Variants in RAPGEF6 observed in about 807,000 individuals in gnomAD.
RAPGEF6 encodes the protein PDZ domain containing guanine nucleotide exchange factor (GEF) 2.
Under a neutral mutation model 171.4 loss-of-function variants are expected in RAPGEF6, and 56 were observed. The ratio of observed to expected loss-of-function variants is 0.33; its 90% CI spans 0.26 to 0.41. The LOEUF (loss-of-function observed/expected upper bound fraction) is 0.41. RAPGEF6 is among the 10% of genes least tolerant of loss of function. The pLI is 1.00. For synonymous variants in RAPGEF6, 692 were observed against 650.1 expected (o/e 1.06, Z -0.98); for missense variants, 1,674 against 1,921.4 (o/e 0.87, Z 2.41).
At chr5:131,533,044 G>A (rs919811828) in intron 6 of RAPGEF6, 1 of 152,518 alleles carries the variant, frequency 6.6e-6, no homozygotes, top group Non-Finnish European at 1.5e-5. Flanking sequence ...AAGAAGGAAA[G>A]AGAGTGGGAG....
At chr5:131,633,235 G>A (rs1250305556) in intron 1 of RAPGEF6, among the ~76,000 whole-genome samples, 1 of 152,104 alleles carries the variant, frequency 6.6e-6, no homozygotes, top group Non-Finnish European at 1.5e-5. Flanking sequence ...GGGAGGGTGA[G>A]GCAGAACTAC....
intron 7 of RAPGEF6, among the ~76,000 whole-genome samples, chr5:131,518,337 G>A (rs1049441962): frequency 2.7e-5 from 4 of 150,430 alleles, no homozygotes; most frequent in African/African-American, 9.7e-5. Context: ...TTATTTTGGC[G>A]TTTATGCTGT....
At chr5:131,508,478 A>G (rs1757508657) in intron 8 of RAPGEF6, among the ~76,000 whole-genome samples, 1 of 152,258 alleles carries the variant, frequency 6.6e-6, no homozygotes, top group Admixed American at 6.5e-5. Flanking sequence ...GGTTCAGATG[A>G]AAGCGGAGCG....
At chr5:131,486,622 T>C (rs1289497177) in intron 15 of RAPGEF6, among the ~76,000 whole-genome samples, 1 of 152,164 alleles carries the variant, frequency 6.6e-6, no homozygotes, top group African/African-American at 2.4e-5. Flanking sequence ...CTCAACTTTA[T>C]TATCTATTCT....
chr5:131,478,264 T>A (rs1299887289), intron 16 of RAPGEF6, among the ~76,000 whole-genome samples: 1 of 152,166 alleles, frequency 6.6e-6, no homozygotes, highest in African/African-American at 2.4e-5. Context: ...AAAAAATATT[T>A]AAAAATAGCT....
At chr5:131,531,649 A>G (rs567792524) in intron 6 of RAPGEF6, among the ~76,000 whole-genome samples, 1 of 152,306 alleles carries the variant, frequency 6.6e-6, no homozygotes, top group Admixed American at 6.5e-5. Flanking sequence ...TTATCAACTA[A>G]TCTTTGTAAA....
At chr5:131,543,679 C>T (rs1760309014) in intron 6 of RAPGEF6, among the ~76,000 whole-genome samples, 1 of 152,122 alleles carries the variant, frequency 6.6e-6, no homozygotes, top group Non-Finnish European at 1.5e-5. Flanking sequence ...GATGAACTGT[C>T]CTCATCATTC....
At chr5:131,621,192 C>A (rs1006700371) in intron 1 of RAPGEF6, among the ~76,000 whole-genome samples, 1 of 152,190 alleles carries the variant, frequency 6.6e-6, no homozygotes, top group Admixed American at 6.5e-5. Flanking sequence ...ATTCCAAGAG[C>A]CTTTGTGGAT....
intron 1 of RAPGEF6, among the ~76,000 whole-genome samples, chr5:131,627,173 C>T (rs918253871): frequency 6.6e-6 from 1 of 152,152 alleles, no homozygotes; most frequent in African/African-American, 2.4e-5. Context: ...CAGCTGCCAA[C>T]AGATTATGAA....
chr5:131,466,296 A>T (rs1216212750), intron 17 of RAPGEF6, among the ~76,000 whole-genome samples: 1 of 152,172 alleles, frequency 6.6e-6, no homozygotes, highest in South Asian at 2.1e-4. Context: ...CAATGTATTA[A>T]GAAATCTGAG....
At chr5:131,620,242 C>T (rs1001390769) in intron 1 of RAPGEF6, among the ~76,000 whole-genome samples, 2 of 152,206 alleles carry the variant, frequency 1.3e-5, no homozygotes, top group African/African-American at 4.8e-5. Flanking sequence ...TAGAGACTCT[C>T]TACTGTTAGG....
At chr5:131,437,226 G>T (rs1752066785) in intron 24 of RAPGEF6, among the ~76,000 whole-genome samples, 1 of 152,196 alleles carries the variant, frequency 6.6e-6, no homozygotes, top group Non-Finnish European at 1.5e-5. Context: ...ACTACGAGAA[G>T]CTCACAAACC....
intron 6 of RAPGEF6, among the ~76,000 whole-genome samples, chr5:131,526,634 C>T (rs185878573): frequency 6.6e-6 from 1 of 152,312 alleles, no homozygotes; most frequent in Admixed American, 6.5e-5. Context: ...TCTCCACTAT[C>T]TCTCAGCTTA....
intron 3 of RAPGEF6, among the ~76,000 whole-genome samples, chr5:131,599,509 C>A (rs1479902705): frequency 6.6e-6 from 1 of 152,114 alleles, no homozygotes; most frequent in Non-Finnish European, 1.5e-5. Context: ...GAGATACACA[C>A]ACACACACCT....
intron 3 of RAPGEF6, among the ~76,000 whole-genome samples, chr5:131,594,356 G>A (rs896897523): frequency 2.6e-5 from 4 of 152,374 alleles, no homozygotes; most frequent in South Asian, 4.1e-4. Context: ...CTGCGGGTAC[G>A]CAGAGGTCAA....
At chr5:131,441,763 T>A (rs1009942158) in intron 23 of RAPGEF6, among the ~76,000 whole-genome samples, 3 of 152,150 alleles carry the variant, frequency 2.0e-5, no homozygotes, top group Non-Finnish European at 4.4e-5. Flanking sequence ...ATACTACATA[T>A]AATGTACAGC....
In RAPGEF6 at chr5:131,439,681, A is replaced by T; in HGVS notation, c.3645T>A (p.Thr1215=). 1 of 1,612,398 alleles carries T rather than the reference A, an allele frequency of 6.2e-7. No homozygotes were observed. The highest frequency in any genetic ancestry group is 8.5e-7 in the Non-Finnish European group (1 of 1,179,572). The change falls in exon 24 of 28, where the codon ACT becomes ACA. Residue 1215 remains threonine (T), a synonymous_variant. Coordinates refer to ENST00000509018, the MANE Select transcript of RAPGEF6 (RefSeq NM_016340.6). ...TSLPQKVLGT[T]EEISGKKHTE... ...TATGCTTCTTACCACTTATTTCTTC[A>T]GTTGTTCCTAAAACTTTCTGAGGTA...
intron 7 of RAPGEF6, 55 bp from the exon 8 acceptor site, chr5:131,510,546 A>C (rs1276879455): frequency 1.3e-6 from 2 of 1,547,806 alleles, no homozygotes; most frequent in East Asian, 2.3e-5. Context: ...ATTATAAGTC[A>C]CAGTCTGAAT....
Position 131,610,531 on chromosome 5 carries a change from G to A in RAPGEF6, c.70-5838C>T, listed in dbSNP as rs572920445. 1.5e-3 allele frequency among the ~76,000 whole-genome samples: 225 copies of A among 152,270 alleles called. 9 individuals carry two copies. In the South Asian group the frequency reaches 0.044, roughly 30 times the overall value. ...CCTTTACCTCACTGTAACTGTAAAC[G>A]GATATATATCCCAGCATTAGCCTGA... On this transcript the variant is annotated intron_variant, in intron 1 of 27. Transcript: ENST00000509018.
Sources: gnomAD v4.1 joint callset for allele counts (sites outside exome capture counted in the v4.1 genomes callset) on GRCh38, gnomAD v4.1.1 for gene constraint, MANE v1.5 for transcripts, NCBI Gene and HGNC (gene_info 2026-07-23, HGNC 2026-07-21) for gene names.